Variants in SCAPER observed in about 807,000 individuals in gnomAD.
SCAPER encodes the protein S-phase cyclin A associated protein in the ER, also known as S phase cyclin A-associated protein in the endoplasmic reticulum.
A neutral mutation model predicts 182.2 loss-of-function variants in SCAPER; 98 were observed. The ratio of observed to expected loss-of-function variants is 0.54; its 90% CI spans 0.46 to 0.64. The LOEUF (loss-of-function observed/expected upper bound fraction) is 0.64. SCAPER is among the 30% of genes least tolerant of loss of function. The probability of loss-of-function intolerance (pLI) is 0.00; values close to 1 mark genes in which losing one functional copy is unlikely to be tolerated. For missense variants in SCAPER, 1,432 were observed against 1,690.0 expected (o/e 0.85, Z 2.68); for synonymous variants, 605 against 564.6 (o/e 1.07, Z -1.01).
At chr15:76,762,814 A>AT (rs1302685014) in intron 14 of SCAPER, among the ~76,000 whole-genome samples, 1 of 151,968 alleles carries the variant, frequency 6.6e-6, no homozygotes, top group Admixed American at 6.5e-5. Context: ...ATAACTGATA[A>AT]TTTTTTTGTT....
intron 20 of SCAPER, among the ~76,000 whole-genome samples, chr15:76,694,624 G>A (rs1421747137): frequency 6.6e-6 from 1 of 151,964 alleles, no homozygotes; most frequent in African/African-American, 2.4e-5. Context: ...ACACATACCA[G>A]GAACTTTCCA....
At chr15:76,443,491 G>C (rs2047766910) in intron 25 of SCAPER, among the ~76,000 whole-genome samples, 1 of 152,216 alleles carries the variant, frequency 6.6e-6, no homozygotes, top group Non-Finnish European at 1.5e-5. Flanking sequence ...GAAATCAGCA[G>C]TTTACAAATG....
rs2066009034 is a variant in SCAPER at position 76,804,572 on chromosome 15, T to A, written c.455A>T (p.Gln152Leu). The A allele has an allele frequency of 6.2e-7, 1 of 1,611,936 alleles. No homozygotes were observed. The highest frequency in any genetic ancestry group is 1.7e-5 in the Admixed American group (1 of 59,926). ...RDFKALIDWI[Q>L]LQEKLEKTDA... ...TGTCTTCTCTAGCTTTTCCTGAAGC[T>A]GAATCCAGTCAATCAATGCTTTGAA... Residue 152 changes from glutamine to leucine, a missense_variant, in exon 6 of 32, where the codon CAG becomes CTG. This residue lies in a region of SCAPER where 480 missense variants were observed against 510.2 expected (regional missense o/e 0.94). Transcript: ENST00000563290.
chr15:76,841,209 T>C (rs868357460), intron 5 of SCAPER, among the ~76,000 whole-genome samples: 48 of 151,538 alleles, frequency 3.2e-4, no homozygotes, highest in Middle Eastern at 6.8e-3. Flanking sequence ...TATAATTAGG[T>C]AATGCCAAAA....
intron 16 of SCAPER, among the ~76,000 whole-genome samples, chr15:76,729,064 G>C (rs1235826313): frequency 2.0e-5 from 3 of 152,046 alleles, no homozygotes; most frequent in African/African-American, 7.2e-5. Context: ...AATATGAAAA[G>C]AGAGACTGGC....
chr15:76,648,189 T>TAA (rs3063684), intron 21 of SCAPER, among the ~76,000 whole-genome samples: 81 of 145,744 alleles, frequency 5.6e-4, no homozygotes, highest in South Asian at 5.6e-3. Flanking sequence ...AATGAAAACA[T>TAA]AAAAAAAAAA....
chr15:76,452,144 T>A (rs1236958138), intron 25 of SCAPER, among the ~76,000 whole-genome samples: 1 of 152,206 alleles, frequency 6.6e-6, no homozygotes, highest in Non-Finnish European at 1.5e-5. Flanking sequence ...ATTGTATGAA[T>A]CTTACCCTTG....
chr15:76,614,306 T>G (rs2051262221), intron 22 of SCAPER, among the ~76,000 whole-genome samples: 2 of 152,134 alleles, frequency 1.3e-5, no homozygotes, highest in Admixed American at 1.3e-4. Flanking sequence ...TCTCAATACT[T>G]GGGTGATAAA....
chr15:76,650,889 T>C (rs190430584), intron 21 of SCAPER, among the ~76,000 whole-genome samples: 16 of 152,168 alleles, frequency 1.1e-4, no homozygotes, highest in Admixed American at 2.6e-4. Context: ...GTTCAAATGT[T>C]TGGAAATTCA....
At chr15:76,510,674 GAACT>G (rs1166844620) in intron 23 of SCAPER, among the ~76,000 whole-genome samples, 1 of 152,184 alleles carries the variant, frequency 6.6e-6, no homozygotes, top group Admixed American at 6.5e-5. Flanking sequence ...ATTCCTTAAA[GAACT>G]AAAAGTAGAA....
chr15:76,786,519 T>C (rs955190696), intron 8 of SCAPER, among the ~76,000 whole-genome samples: 9 of 152,032 alleles, frequency 5.9e-5, no homozygotes, highest in African/African-American at 2.2e-4. Context: ...TCCATAAAAA[T>C]ACCTACAGCT....
At chr15:76,420,235 CTTTTTTTTTTTT>C (rs71143323) in intron 26 of SCAPER, among the ~76,000 whole-genome samples, 1 of 116,912 alleles carries the variant, frequency 8.6e-6, no homozygotes, top group South Asian at 2.9e-4. Context: ...ATGTTTTTTC[CTTTTTTTTTTTT>C]TTTTTTTTTA....
intron 20 of SCAPER, among the ~76,000 whole-genome samples, chr15:76,693,059 T>C (rs1316832305): frequency 6.6e-6 from 1 of 152,200 alleles, no homozygotes; most frequent in Non-Finnish European, 1.5e-5. Context: ...TGTTGCTCTG[T>C]CAATTTTTGC....
chr15:76,636,937 T>C (rs1341344484), intron 21 of SCAPER, among the ~76,000 whole-genome samples: 2 of 152,156 alleles, frequency 1.3e-5, no homozygotes, highest in Non-Finnish European at 2.9e-5. Flanking sequence ...GAAATCTTTA[T>C]AATTATAAGG....
chr15:76,782,892 G>A (rs1275772279), intron 8 of SCAPER, among the ~76,000 whole-genome samples: 1 of 152,100 alleles, frequency 6.6e-6, no homozygotes, highest in Non-Finnish European at 1.5e-5. Context: ...GTGTGTAAAG[G>A]GAAAGTTATA....
chr15:76,529,198 C>T (rs569078712), intron 23 of SCAPER, among the ~76,000 whole-genome samples: 113 of 152,236 alleles, frequency 7.4e-4, no homozygotes, highest in Non-Finnish European at 1.1e-3. Context: ...CCTGTACCCT[C>T]ACACCTGGCT....
At chr15:76,544,307 T>C (rs2045049484) in intron 23 of SCAPER, among the ~76,000 whole-genome samples, 1 of 152,202 alleles carries the variant, frequency 6.6e-6, no homozygotes, top group African/African-American at 2.4e-5. Context: ...GGCAATTCCA[T>C]TCCTAGAAAT....
intron 23 of SCAPER, among the ~76,000 whole-genome samples, chr15:76,529,665 A>G (rs1024506883): frequency 2.0e-5 from 3 of 152,252 alleles, no homozygotes; most frequent in Non-Finnish European, 4.4e-5. Flanking sequence ...CTTGAGAAAG[A>G]ACTTTCAGGC....
intron 17 of SCAPER, among the ~76,000 whole-genome samples, chr15:76,724,308 T>TG (rs1180689813): frequency 6.6e-5 from 10 of 152,234 alleles, no homozygotes; most frequent in Admixed American, 6.5e-4. Flanking sequence ...GTTAGTCTGA[T>TG]GGGCTTCCCT....
Sources: gnomAD v4.1 joint callset for allele counts (sites outside exome capture counted in the v4.1 genomes callset) on GRCh38, gnomAD v4.1.1 for gene constraint, gnomAD v4.1.1 regional missense constraint, MANE v1.5 for transcripts, NCBI Gene and HGNC (gene_info 2026-07-23, HGNC 2026-07-21) for gene names.